KANSL1: variants seen among roughly 807,000 people sequenced by gnomAD.
The protein encoded by KANSL1 is MLL1/MLL complex subunit KANSL1.
KANSL1 carries 22 observed loss-of-function variants against 103.6 expected under a neutral mutation model. That is an observed-to-expected ratio of 0.21 (90% CI 0.15 to 0.30). The LOEUF (loss-of-function observed/expected upper bound fraction) is 0.30. Ranked by LOEUF, KANSL1 falls within the 10% of genes least tolerant of loss-of-function variation. KANSL1 has a pLI of 1.00. For missense variants in KANSL1, 1,337 were observed against 1,399.8 expected, an observed-to-expected ratio of 0.96 and a Z score of 0.72; for synonymous variants, 600 against 527.6, an observed-to-expected ratio of 1.14 and a Z score of -1.88.
At chr17:46,102,326 T>C (rs1222167561) in intron 2 of KANSL1, among the ~76,000 whole-genome samples, 1 of 152,218 alleles carries the variant, frequency 6.6e-6, no homozygotes, top group East Asian at 1.9e-4. Flanking sequence ...CTCAGCTCAC[T>C]GCAACCTCTG....
Position 46,192,804 on chromosome 17 carries a change from G to GAGC in KANSL1, c.-90+16_-90+18dup, listed in dbSNP as rs1192286509. 1.9e-5 allele frequency: 3 copies of GAGC among 158,052 alleles called. No individual in the cohort carries two copies. Among genetic ancestry groups the GAGC allele is most frequent in the African/African-American group, 7.2e-5 (3 of 41,516 alleles). The allele number at this position is 158,052 out of a possible 1,614,324, so 9.8% of individuals were successfully genotyped here. On this transcript the variant is annotated intron_variant, in intron 1 of 14. Coordinates refer to ENST00000432791, the MANE Select transcript of KANSL1 (RefSeq NM_015443.4). Reference sequence around the variant, plus strand: ...AAGGGCAGCAGGAGGAGGAGGAGAGGAGCAGCAGCAGCACCTACCACGTGA... The same window carrying GAGC: ...AAGGGCAGCAGGAGGAGGAGGAGAGGAGCAGCAGCAGCAGCACCTACCACGTGA...
At chr17:46,121,223 C>A (rs905186689) in intron 2 of KANSL1, 3 of 150,194 alleles carry the variant, frequency 2.0e-5, no homozygotes, top group Non-Finnish European at 4.4e-5. Context: ...CAGATCATGT[C>A]ACTCCTCTAC....
chr17:46,184,837 C>CTTTT (rs66507225), intron 1 of KANSL1, among the ~76,000 whole-genome samples: 9,792 of 127,532 alleles, frequency 0.077, 3 homozygotes, highest in Non-Finnish European at 0.11. Context: ...AGAGTATGTA[C>CTTTT]TTTTTTTTTT....
chr17:46,182,131 T>C (rs954883177), intron 1 of KANSL1, among the ~76,000 whole-genome samples: 16 of 152,218 alleles, frequency 1.1e-4, no homozygotes, highest in African/African-American at 3.6e-4. Context: ...GCTTGGTACA[T>C]AGTAAGTGCT....
At chr17:46,163,447 T>TG (rs1209132103) in intron 2 of KANSL1, among the ~76,000 whole-genome samples, 23 of 152,228 alleles carry the variant, frequency 1.5e-4, no homozygotes, top group African/African-American at 5.3e-4. Flanking sequence ...ACCCAAGCCT[T>TG]GAACTCCTAG....
chr17:46,219,758 G>C (rs1225762492), intron 1 of KANSL1, among the ~76,000 whole-genome samples: 1 of 152,242 alleles, frequency 6.6e-6, no homozygotes, highest in Non-Finnish European at 1.5e-5. Flanking sequence ...GAGAACACAT[G>C]TCCTAGATTA....
In KANSL1 at chr17:46,064,658, C is replaced by G. The variant is rs143590710; in HGVS notation, c.1848+1879G>C. On this transcript the variant is annotated intron_variant, in intron 6 of 14. Coordinates refer to ENST00000432791, the MANE Select transcript of KANSL1 (RefSeq NM_015443.4). ...CTCCTCCCTCTCCAAAACACTTTCT[C>G]CCCTTGCCTTTCACATACCACACTC... Among the ~76,000 whole-genome samples the G allele has an allele frequency of 8.2e-4, 125 of 152,280 alleles. 1 individual carries two copies. Among genetic ancestry groups the G allele is most frequent in the Non-Finnish European group, 1.3e-3 (87 of 68,020 alleles).
intron 1 of KANSL1, among the ~76,000 whole-genome samples, chr17:46,177,106 G>A (rs1313722956): frequency 6.6e-6 from 1 of 152,202 alleles, no homozygotes; most frequent in Non-Finnish European, 1.5e-5. Flanking sequence ...TTCCCATCCT[G>A]GCTCCACCTC....
chr17:46,157,885 A>C (rs962747881), intron 2 of KANSL1, among the ~76,000 whole-genome samples: 1 of 152,266 alleles, frequency 6.6e-6, no homozygotes, highest in African/African-American at 2.4e-5. Flanking sequence ...GGGTGTGCCC[A>C]AAGAATACTT....
chr17:46,218,945 G>A (rs1039356110), intron 1 of KANSL1, among the ~76,000 whole-genome samples: 19 of 152,112 alleles, frequency 1.2e-4, no homozygotes, highest in African/African-American at 3.9e-4. Context: ...TAAGAAAATC[G>A]CCCAAAGTCA....
At chr17:46,132,794 T>C (rs112588728) in intron 2 of KANSL1, among the ~76,000 whole-genome samples, 1 of 152,144 alleles carries the variant, frequency 6.6e-6, no homozygotes, top group Non-Finnish European at 1.5e-5. Context: ...AATACAAGAA[T>C]TAGCTAGGCA....
Position 46,161,308 on chromosome 17 carries a change from C to T in KANSL1, c.1289+9547G>A, listed in dbSNP as rs967215611. On this transcript the variant is annotated intron_variant, in intron 2 of 14. Coordinates refer to ENST00000432791, the MANE Select transcript of KANSL1 (RefSeq NM_015443.4). ...AAAATTAGCCGGGTGTGGTGGCAGA[C>T]GCCTGCAGTCCCAGCTACTTGGGAG... 2.1e-4 allele frequency among the ~76,000 whole-genome samples: 32 copies of T among 150,408 alleles called. 4 individuals are homozygous for T. Among genetic ancestry groups the T allele is most frequent in the Admixed American group, 1.9e-3 (29 of 15,116 alleles).
At chr17:46,216,379 C>T (rs2048339042) in intron 1 of KANSL1, among the ~76,000 whole-genome samples, 1 of 152,092 alleles carries the variant, frequency 6.6e-6, no homozygotes, top group Non-Finnish European at 1.5e-5. Context: ...GCAGGTGGAT[C>T]ACCTGAGATC....
At chr17:46,184,954 C>G (rs2046951675) in intron 1 of KANSL1, among the ~76,000 whole-genome samples, 3 of 151,870 alleles carry the variant, frequency 2.0e-5, no homozygotes, top group Non-Finnish European at 4.4e-5. Context: ...TTTCTCCTGC[C>G]TCAGCCTCCT....
intron 1 of KANSL1, among the ~76,000 whole-genome samples, chr17:46,181,963 A>G (rs2046816057): frequency 6.6e-6 from 1 of 152,062 alleles, no homozygotes; most frequent in Non-Finnish European, 1.5e-5. Flanking sequence ...CTTCCAATTC[A>G]TATCACTTTC....
intron 2 of KANSL1, among the ~76,000 whole-genome samples, chr17:46,141,091 T>C (rs140542825): frequency 7.2e-5 from 11 of 151,762 alleles, no homozygotes; most frequent in Admixed American, 3.3e-4. Flanking sequence ...AAAAAGACAA[T>C]GTACTCAACA....
At chr17:46,109,258 C>T (rs2042701011) in intron 2 of KANSL1, among the ~76,000 whole-genome samples, 1 of 152,148 alleles carries the variant, frequency 6.6e-6, no homozygotes, top group Admixed American at 6.5e-5. Flanking sequence ...TAATCCCAAC[C>T]ATACACAACT....
At chr17:46,046,004 T>TA (rs1346060223) in intron 7 of KANSL1, 1 of 152,162 alleles carries the variant, frequency 6.6e-6, no homozygotes, top group African/African-American at 2.4e-5. Flanking sequence ...CCAACAAACA[T>TA]TCCTAAGTCT....
chr17:46,173,049 T>C (rs1299552831), intron 1 of KANSL1, among the ~76,000 whole-genome samples: 1 of 152,242 alleles, frequency 6.6e-6, no homozygotes, highest in Non-Finnish European at 1.5e-5. Flanking sequence ...TGACCAGTAA[T>C]CTTATTATCA....
Sources: gnomAD v4.1 joint callset for allele counts (sites outside exome capture counted in the v4.1 genomes callset) on GRCh38, gnomAD v4.1.1 for gene constraint, MANE v1.5 for transcripts, NCBI Gene and HGNC (gene_info 2026-07-23, HGNC 2026-07-21) for gene names.